NBAS: variants seen among roughly 807,000 people sequenced by gnomAD.
NBAS encodes the protein NAG/BC035112 fusion.
NBAS carries 219 observed loss-of-function variants against 302.5 expected under a neutral mutation model. That is an observed-to-expected ratio of 0.72 (90% confidence interval 0.65 to 0.81). The LOEUF (loss-of-function observed/expected upper bound fraction) is 0.81. Among genes scored for constraint, NBAS ranks in the 30% least tolerant of loss-of-function variants. The pLI, the probability that NBAS is intolerant of heterozygous loss-of-function variation, is 0.00. For missense variants in NBAS, 2,932 were observed against 2,841.6 expected (o/e 1.03, Z -0.72); for synonymous variants, 1,118 against 1,021.6 (o/e 1.09, Z -1.80).
At chr2:15,228,935 T>C (rs945116680) in intron 47 of NBAS, among the ~76,000 whole-genome samples, 21 of 152,318 alleles carry the variant, frequency 1.4e-4, no homozygotes, top group African/African-American at 5.1e-4. Flanking sequence ...CAAATACCCA[T>C]GTATTGTATA....
At chr2:15,434,708 T>C (rs1323346189) in intron 21 of NBAS, among the ~76,000 whole-genome samples, 3 of 152,234 alleles carry the variant, frequency 2.0e-5, no homozygotes, top group African/African-American at 2.4e-5. Context: ...CTTTCATTTA[T>C]AGTAATCAAC....
At chr2:14,899,533 T>C in the NBAS span, among the ~76,000 whole-genome samples, 1 of 152,206 alleles carries the variant, frequency 6.6e-6, no homozygotes, top group Non-Finnish European at 1.5e-5. Context: ...TAGATTATTT[T>C]CCATACCCAT....
At chr2:15,174,954 G>T (rs901654832) in intron 51 of NBAS, among the ~76,000 whole-genome samples, 2 of 152,124 alleles carry the variant, frequency 1.3e-5, no homozygotes, top group African/African-American at 4.8e-5. Flanking sequence ...GGTACCGGAG[G>T]TCCTAAACAC....
the NBAS span, among the ~76,000 whole-genome samples, chr2:15,156,857 T>G: frequency 6.6e-6 from 1 of 152,194 alleles, no homozygotes; most frequent in African/African-American, 2.4e-5. Flanking sequence ...GCTGCCTCTA[T>G]GTATTGAATC....
chr2:15,080,605 T>C, the NBAS span, among the ~76,000 whole-genome samples: 1 of 152,206 alleles, frequency 6.6e-6, no homozygotes, highest in Non-Finnish European at 1.5e-5. Context: ...GCTGGGTAAG[T>C]TTTCTGCTTC....
chr2:15,553,292 G>C lies in NBAS; in HGVS notation c.335+134C>G. The C allele has an allele frequency of 3.7e-6, 3 of 804,934 alleles. No homozygotes were observed. The Admixed American group carries it at 6.7e-5, about 18-fold the overall frequency. The allele number at this position is 804,934 out of a possible 1,614,324, so 49.9% of individuals were successfully genotyped here. ...TTTTAACTGGCGTAAGTTGGTGTTTGACACTCACAAAATTAAGTGAGTTAA... is the reference window on the plus strand; with the variant it reads ...TTTTAACTGGCGTAAGTTGGTGTTTCACACTCACAAAATTAAGTGAGTTAA... On this transcript the variant is annotated intron_variant, in intron 5 of 51. Transcript: ENST00000281513.
the NBAS span, among the ~76,000 whole-genome samples, chr2:14,978,574 A>G: frequency 8.5e-5 from 13 of 152,340 alleles, no homozygotes; most frequent in Admixed American, 5.2e-4. Context: ...CAGCTAGCAC[A>G]TAATAGGTAG....
downstream of NBAS, among the ~76,000 whole-genome samples, chr2:15,162,847 G>A (rs182217562): frequency 7.0e-4 from 106 of 152,362 alleles, no homozygotes; most frequent in Non-Finnish European, 1.2e-3. Context: ...ATTCCCAGCT[G>A]TTGGAGCTAA....
At chr2:14,789,313 G>T in the NBAS span, among the ~76,000 whole-genome samples, 1 of 152,138 alleles carries the variant, frequency 6.6e-6, no homozygotes, top group African/African-American at 2.4e-5. Context: ...ACCCTGCTTC[G>T]GCTGGCACAT....
At chr2:15,190,135 A>G (rs1183535623) in intron 49 of NBAS, 129 bp downstream of exon 49, 8 of 1,061,330 alleles carry the variant, frequency 7.5e-6, no homozygotes, top group Non-Finnish European at 9.6e-6. Flanking sequence ...AAATTCCTCT[A>G]AAGGCAAATA....
rs543609118 is a variant in NBAS at position 15,210,466 on chromosome 2, C to T, written c.6432+8307G>A. Among the ~76,000 whole-genome samples the T allele has an allele frequency of 1.2e-4, 19 of 152,058 alleles. No individual in the cohort carries two copies. The South Asian group carries it at 3.5e-3, about 28-fold the overall frequency. ...AACTGGCTTATATCCAAAAGACAGG[C>T]AATAAACAATGCGGACAAGAATATG... On this transcript the variant is annotated intron_variant, in intron 48 of 51. Transcript: ENST00000281513.
the NBAS span, among the ~76,000 whole-genome samples, chr2:14,929,636 C>T: frequency 6.6e-6 from 1 of 152,138 alleles, no homozygotes; most frequent in African/African-American, 2.4e-5. Flanking sequence ...CCTTGGCCTC[C>T]CAAAGTGCTG....
chr2:15,410,588 C>G (rs545485960), intron 25 of NBAS, among the ~76,000 whole-genome samples: 1 of 150,486 alleles, frequency 6.6e-6, no homozygotes, highest in Admixed American at 6.6e-5. Context: ...AAACAGACAA[C>G]AAGTGCTCAT....
chr2:14,785,614 G>C, the NBAS span, among the ~76,000 whole-genome samples: 3 of 152,090 alleles, frequency 2.0e-5, no homozygotes, highest in Non-Finnish European at 1.5e-5. Context: ...TTATGTGCTG[G>C]ATTACATTTA....
chr2:14,900,112 C>CTTTTTTTTTTTTTTTTTTTT, the NBAS span, among the ~76,000 whole-genome samples: 1 of 140,636 alleles, frequency 7.1e-6, no homozygotes, highest in Non-Finnish European at 1.5e-5. Flanking sequence ...AAGTCACATG[C>CTTTTTTTTTTTTTTTTTTTT]TTTTTTTTTT....
At position 15,218,708 on chromosome 2, in the gene NBAS, G is replaced by T. The variant is rs577099711; in HGVS notation, c.6432+65C>A. On this transcript the variant is annotated intron_variant, in intron 48 of 51. Transcript: ENST00000281513. ...CTCCCACAATGCTGGGATTACAGGC[G>T]TGAGCAACCGCGTCCGGCCTAATTA... 3.5e-5 allele frequency: 57 copies of T among 1,606,102 alleles called. 1 individual carries two copies. In the East Asian group the frequency reaches 8.3e-4, roughly 23 times the overall value.
At chr2:14,890,214 G>T in the NBAS span, among the ~76,000 whole-genome samples, 1 of 151,942 alleles carries the variant, frequency 6.6e-6, no homozygotes, top group Non-Finnish European at 1.5e-5. Context: ...TTTATTCGTA[G>T]TTCCTAAGAA....
chr2:15,056,799 G>C, the NBAS span, among the ~76,000 whole-genome samples: 12 of 151,248 alleles, frequency 7.9e-5, no homozygotes, highest in Non-Finnish European at 1.5e-4. Context: ...GGGGACCAAA[G>C]ACCCAGCCCT....
the NBAS span, among the ~76,000 whole-genome samples, chr2:15,049,505 A>AGAG: frequency 6.6e-6 from 1 of 152,062 alleles, no homozygotes; most frequent in African/African-American, 2.4e-5. Context: ...CTTGATAGGG[A>AGAG]GAGGAGGGGT....
Sources: gnomAD v4.1 joint callset for allele counts (sites outside exome capture counted in the v4.1 genomes callset) on GRCh38, gnomAD v4.1.1 for gene constraint, MANE v1.5 for transcripts, NCBI Gene and HGNC (gene_info 2026-07-23, HGNC 2026-07-21) for gene names.